The following ATG10 variants were observed in gnomAD, a reference collection of about 807,000 sequenced individuals.
ATG10 encodes the protein ubiquitin-like-conjugating enzyme ATG10.
A neutral mutation model predicts 32.1 loss-of-function variants in ATG10; 30 were observed. The ratio of observed to expected loss-of-function variants is 0.94; its 90% CI spans 0.70 to 1.27. ATG10 has a LOEUF of 1.27. ATG10 is among the 50% of genes most tolerant of loss of function. The pLI, the probability that ATG10 is intolerant of heterozygous loss-of-function variation, is 0.00. For missense variants in ATG10, 233 were observed against 262.3 expected, an observed-to-expected ratio of 0.89 and a Z score of 0.77; for synonymous variants, 87 against 91.5, an observed-to-expected ratio of 0.95 and a Z score of 0.28.
intron 5 of ATG10, among the ~76,000 whole-genome samples, chr5:82,240,782 C>T (rs756285609): frequency 2.0e-5 from 3 of 151,982 alleles, no homozygotes; most frequent in Non-Finnish European, 2.9e-5. Flanking sequence ...TAAATATGTA[C>T]AACTATTATA....
chr5:82,209,566 G>A (rs762403838), intron 5 of ATG10, among the ~76,000 whole-genome samples: 4 of 152,202 alleles, frequency 2.6e-5, no homozygotes, highest in Non-Finnish European at 2.9e-5. Flanking sequence ...GGTTCTAGAA[G>A]TGTAAGAAAC....
intron 2 of ATG10, among the ~76,000 whole-genome samples, chr5:82,032,684 C>T (rs1311882386): frequency 1.3e-5 from 2 of 151,608 alleles, no homozygotes; most frequent in African/African-American, 4.8e-5. Context: ...TCAGAGATTA[C>T]CAGTGTTAAC....
chr5:82,240,201 G>A (rs1046922674), intron 5 of ATG10, among the ~76,000 whole-genome samples: 7 of 152,250 alleles, frequency 4.6e-5, no homozygotes, highest in South Asian at 2.1e-4. Flanking sequence ...ATCAGCATGT[G>A]AAAGAGATAT....
chr5:82,145,059 CTCTTAA>C (rs1171088393), intron 3 of ATG10, among the ~76,000 whole-genome samples: 3 of 152,010 alleles, frequency 2.0e-5, no homozygotes, highest in Admixed American at 6.5e-5. Flanking sequence ...TTCAGTAATA[CTCTTAA>C]TCTTAGTCTG....
intron 2 of ATG10, among the ~76,000 whole-genome samples, chr5:82,030,644 G>A (rs912997698): frequency 3.3e-5 from 5 of 152,148 alleles, no homozygotes; most frequent in Non-Finnish European, 5.9e-5. Flanking sequence ...GTGATCATTA[G>A]TTGCTGGTTC....
At chr5:82,156,923 A>C (rs1767820206) in intron 3 of ATG10, among the ~76,000 whole-genome samples, 1 of 152,112 alleles carries the variant, frequency 6.6e-6, no homozygotes, top group Admixed American at 6.6e-5. Context: ...TCCACCTTTT[A>C]CTTGGCGTGT....
At chr5:82,187,621 C>G (rs113727834) in intron 5 of ATG10, among the ~76,000 whole-genome samples, 1 of 151,572 alleles carries the variant, frequency 6.6e-6, no homozygotes, top group Non-Finnish European at 1.5e-5. Context: ...TCTTGTTGCC[C>G]AGGCTGGAGT....
intron 2 of ATG10, among the ~76,000 whole-genome samples, chr5:82,042,701 C>G (rs995409945): frequency 6.6e-6 from 1 of 152,160 alleles, no homozygotes; most frequent in African/African-American, 2.4e-5. Flanking sequence ...AACAAAGGGG[C>G]TACAGTCCCC....
intron 3 of ATG10, among the ~76,000 whole-genome samples, chr5:82,115,101 TTAAC>T (rs1385101518): frequency 8.5e-5 from 13 of 152,060 alleles, no homozygotes; most frequent in Admixed American, 3.3e-4. Flanking sequence ...AACCACAGAA[TTAAC>T]TAACTTTCTT....
intron 2 of ATG10, among the ~76,000 whole-genome samples, chr5:82,050,631 A>G (rs559409520): frequency 1.3e-5 from 2 of 151,904 alleles, no homozygotes; most frequent in Non-Finnish European, 2.9e-5. Flanking sequence ...GTACTATAAT[A>G]GATGATATAA....
intron 3 of ATG10, among the ~76,000 whole-genome samples, chr5:82,089,024 T>A (rs1182843682): frequency 1.3e-5 from 2 of 152,184 alleles, no homozygotes; most frequent in African/African-American, 4.8e-5. Context: ...TTTACCTGAT[T>A]CCAAGACTTA....
intron 2 of ATG10, among the ~76,000 whole-genome samples, chr5:82,039,582 AGG>A (rs1355154921): frequency 6.6e-6 from 1 of 152,230 alleles, no homozygotes; most frequent in Non-Finnish European, 1.5e-5. Context: ...TAAAAATTAA[AGG>A]GGAAATACGC....
At chr5:82,214,235 C>CA (rs1209817089) in intron 5 of ATG10, among the ~76,000 whole-genome samples, 1 of 152,102 alleles carries the variant, frequency 6.6e-6, no homozygotes, top group Non-Finnish European at 1.5e-5. Context: ...TAAGACTTTT[C>CA]AAAAAATGTA....
At chr5:82,173,044 A>AT (rs1581768609) in intron 4 of ATG10, among the ~76,000 whole-genome samples, 1 of 152,166 alleles carries the variant, frequency 6.6e-6, no homozygotes, top group Non-Finnish European at 1.5e-5. Context: ...GAATAATGAC[A>AT]TTTTTTGTTG....
intron 3 of ATG10, among the ~76,000 whole-genome samples, chr5:82,124,917 G>C (rs1480812754): frequency 6.6e-6 from 1 of 152,172 alleles, no homozygotes; most frequent in Non-Finnish European, 1.5e-5. Flanking sequence ...CAGTGTAAAA[G>C]CATTCCTATT....
intron 2 of ATG10, among the ~76,000 whole-genome samples, chr5:82,033,591 T>C: frequency 6.6e-6 from 1 of 152,104 alleles, no homozygotes; most frequent in East Asian, 1.9e-4. Context: ...TGTCCCTTTT[T>C]GGCTTCCTCT....
At chr5:82,014,841 C>T (rs1481065439) in intron 2 of ATG10, among the ~76,000 whole-genome samples, 4 of 152,098 alleles carry the variant, frequency 2.6e-5, no homozygotes, top group South Asian at 2.1e-4. Flanking sequence ...AAGGTTAATA[C>T]TGTTATGTGT....
intron 2 of ATG10, among the ~76,000 whole-genome samples, chr5:81,997,325 G>A (rs568248888): frequency 1.6e-4 from 24 of 152,322 alleles, no homozygotes; most frequent in Admixed American, 4.6e-4. Context: ...AGAGAACAAA[G>A]CTGAGGGCCC....
intron 2 of ATG10, among the ~76,000 whole-genome samples, chr5:82,037,263 T>C (rs1762957036): frequency 1.0e-5 from 1 of 97,752 alleles, no homozygotes; most frequent in Non-Finnish European, 2.0e-5. Context: ...TTTTTTTTTT[T>C]TTGAGACGGA....
Sources: allele counts gnomAD v4.1 joint callset (sites outside exome capture counted in the v4.1 genomes callset), GRCh38; gene constraint gnomAD v4.1.1; transcripts MANE v1.5; gene names NCBI Gene and HGNC (gene_info 2026-07-23, HGNC 2026-07-21).